USH2A: variants seen among roughly 807,000 people sequenced by gnomAD.
The protein encoded by USH2A is usherin, also known as Usher syndrome 2A (autosomal recessive, mild).
USH2A carries 443 observed loss-of-function variants against 538.9 expected under a neutral mutation model. The ratio of observed to expected loss-of-function variants is 0.82; its 90% CI spans 0.76 to 0.89. The LOEUF (loss-of-function observed/expected upper bound fraction) is 0.89. Ranked by LOEUF, USH2A falls within the 40% of genes least tolerant of loss-of-function variation. The pLI is 0.00. For missense variants in USH2A, 6,633 were observed against 6,324.8 expected (o/e 1.05, Z -1.65); for synonymous variants, 2,413 against 2,273.5 (o/e 1.06, Z -1.75).
chr1:216,307,431 A>G (rs2037339522), intron 9 of USH2A, among the ~76,000 whole-genome samples: 1 of 152,112 alleles, frequency 6.6e-6, no homozygotes, highest in Admixed American at 6.5e-5. Context: ...CCACAACAGC[A>G]CTGAGTTTAT....
At position 215,650,783 on chromosome 1, in the gene USH2A, C is replaced by A. The variant is rs1038432544; in HGVS notation, c.14152G>T (p.Ala4718Ser). The A allele has an allele frequency of 3.7e-6, 6 of 1,608,000 alleles. No individual in the cohort carries two copies. Among genetic ancestry groups the A allele is most frequent in the Admixed American group, 3.4e-5 (2 of 59,340 alleles). The part of the protein sequence containing the change: ...YEYQVWAVNS[A>S]GKAPSSWTWC... ...GTCCAGCTACTGGGGGCTTTTCCTG[C>A]AGAATTCACTGCCCAGACCTCCAAA... Residue 4718 changes from alanine to serine, a missense_variant, in exon 65 of 72, where the codon GCA becomes TCA. By Grantham distance (99) the Ala-to-Ser change is moderately conservative. Coordinates refer to ENST00000307340, the MANE Select transcript of USH2A (RefSeq NM_206933.4).
intron 21 of USH2A, among the ~76,000 whole-genome samples, chr1:216,122,684 T>A (rs764832807): frequency 6.6e-6 from 1 of 152,142 alleles, no homozygotes; most frequent in Non-Finnish European, 1.5e-5. Context: ...CAGATTCTTC[T>A]GCAAGATTGA....
intron 13 of USH2A, among the ~76,000 whole-genome samples, chr1:216,233,378 CTAGG>C (rs2035740605): frequency 6.6e-6 from 1 of 152,154 alleles, no homozygotes; most frequent in African/African-American, 2.4e-5. Flanking sequence ...CTAGGCCAGG[CTAGG>C]TATACCTGTT....
At chr1:215,804,849 G>A (rs1327615811) in intron 49 of USH2A, among the ~76,000 whole-genome samples, 1 of 152,102 alleles carries the variant, frequency 6.6e-6, no homozygotes, top group Non-Finnish European at 1.5e-5. Flanking sequence ...GTTTATTGCG[G>A]CACTATTCAC....
At chr1:216,233,216 C>G (rs935424407) in intron 13 of USH2A, among the ~76,000 whole-genome samples, 2 of 152,086 alleles carry the variant, frequency 1.3e-5, no homozygotes, top group Non-Finnish European at 2.9e-5. Context: ...CTCATCCCCC[C>G]GCTCAGTCCA....
chr1:215,742,421 T>C (rs973323889), intron 59 of USH2A, among the ~76,000 whole-genome samples: 3 of 151,892 alleles, frequency 2.0e-5, no homozygotes, highest in Non-Finnish European at 2.9e-5. Flanking sequence ...TATGATGAGA[T>C]CATATATATC....
chr1:216,340,655 A>C (rs1156950938), intron 4 of USH2A, among the ~76,000 whole-genome samples: 1 of 152,120 alleles, frequency 6.6e-6, no homozygotes, highest in African/African-American at 2.4e-5. Flanking sequence ...CACCACGACC[A>C]AGCTGGCTTC....
At chr1:216,387,210 A>C (rs1005748900) in intron 3 of USH2A, among the ~76,000 whole-genome samples, 3 of 152,250 alleles carry the variant, frequency 2.0e-5, no homozygotes, top group African/African-American at 7.2e-5. Context: ...TACCAACTTG[A>C]TAAATAAATT....
At chr1:215,967,802 G>T (rs1435191796) in intron 36 of USH2A, among the ~76,000 whole-genome samples, 2 of 151,660 alleles carry the variant, frequency 1.3e-5, no homozygotes, top group African/African-American at 4.8e-5. Context: ...ATTTATCCAG[G>T]TGTATTTATC....
chr1:216,131,342 T>TA (rs1308457716), intron 21 of USH2A, among the ~76,000 whole-genome samples: 1 of 152,106 alleles, frequency 6.6e-6, no homozygotes, highest in East Asian at 1.9e-4. Context: ...TCTTTGTTTT[T>TA]ACTGCATTTG....
chr1:216,280,133 C>T (rs965781252), intron 11 of USH2A, among the ~76,000 whole-genome samples: 71 of 151,232 alleles, frequency 4.7e-4, no homozygotes, highest in African/African-American at 1.7e-3. Flanking sequence ...ACTTAAGTCA[C>T]ACTAGATGAG....
intron 21 of USH2A, among the ~76,000 whole-genome samples, chr1:216,172,546 TA>T (rs1289340117): frequency 6.6e-6 from 1 of 152,112 alleles, no homozygotes; most frequent in Admixed American, 6.6e-5. Flanking sequence ...CCTCAGAATA[TA>T]AAAACTGAAT....
chr1:216,163,850 T>A (rs184646331), intron 21 of USH2A, among the ~76,000 whole-genome samples: 22 of 151,996 alleles, frequency 1.4e-4, no homozygotes, highest in Admixed American at 1.2e-3. Flanking sequence ...AAAACAAAGA[T>A]AATTTAAAAG....
chr1:216,267,614 A>C (rs2036500121), intron 11 of USH2A, among the ~76,000 whole-genome samples: 1 of 152,074 alleles, frequency 6.6e-6, no homozygotes, highest in Non-Finnish European at 1.5e-5. Context: ...CTCTTTTGGG[A>C]AAGTGTTCTC....
intron 10 of USH2A, 63 bp downstream of exon 10, chr1:216,292,112 T>C: frequency 6.6e-7 from 1 of 1,513,442 alleles, no homozygotes; most frequent in Non-Finnish European, 9.2e-7. Context: ...TTTAAAATAA[T>C]ATGCATTGTA....
Position 215,836,505 on chromosome 1 carries a change from AT to A in USH2A, c.9371+1485del, listed in dbSNP as rs1328613075. Among the ~76,000 whole-genome samples, 26 of 16,800 alleles carry A rather than the reference AT, an allele frequency of 1.5e-3. 1 individual carries two copies. The highest frequency in any genetic ancestry group is 2.0e-3 in the African/African-American group (9 of 4,522). 11.0% of individuals were successfully genotyped at this position (16,800 alleles called of 152,430 possible). A position where few individuals can be genotyped will look rare whatever the true frequency, so the allele number is the denominator to read the frequency against. On this transcript the variant is annotated intron_variant, in intron 47 of 71. Coordinates refer to ENST00000307340, the MANE Select transcript of USH2A (RefSeq NM_206933.4). ...AATATATATTATATATATAATATAT[AT>A]TATATATATATAATATATATTATAT...
At chr1:215,994,262 A>C (rs1172080886) in intron 34 of USH2A, among the ~76,000 whole-genome samples, 1 of 152,206 alleles carries the variant, frequency 6.6e-6, no homozygotes, top group African/African-American at 2.4e-5. Flanking sequence ...TAAAAAATTA[A>C]AGCATCTCTT....
chr1:216,095,463 C>A (rs927073191), intron 22 of USH2A, among the ~76,000 whole-genome samples: 1 of 152,108 alleles, frequency 6.6e-6, no homozygotes, highest in African/African-American at 2.4e-5. Context: ...TTGCCTTCTG[C>A]GATAGCTGCT....
intron 21 of USH2A, among the ~76,000 whole-genome samples, chr1:216,158,379 G>T (rs1340660137): frequency 6.6e-6 from 1 of 151,896 alleles, no homozygotes; most frequent in East Asian, 1.9e-4. Context: ...GGGACTACAG[G>T]TGCCTCACCA....
Sources: allele counts gnomAD v4.1 joint callset (sites outside exome capture counted in the v4.1 genomes callset), GRCh38; gene constraint gnomAD v4.1.1; transcripts MANE v1.5; gene names NCBI Gene and HGNC (gene_info 2026-07-23, HGNC 2026-07-21).